CSPP1: variants seen among roughly 807,000 people sequenced by gnomAD.
CSPP1 encodes the protein centrosome and spindle pole associated protein 1.
Under a neutral mutation model 164.4 loss-of-function variants are expected in CSPP1, and 126 were observed. The ratio of observed to expected loss-of-function variants is 0.77; its 90% CI spans 0.66 to 0.89. CSPP1 has a LOEUF of 0.89. CSPP1 is among the 40% of genes least tolerant of loss of function. The probability of loss-of-function intolerance (pLI) is 0.00; values close to 1 mark genes in which losing one functional copy is unlikely to be tolerated. For missense variants in CSPP1, 1,395 were observed against 1,449.8 expected (o/e 0.96, Z 0.61); for synonymous variants, 472 against 476.7 (o/e 0.99, Z 0.13).
intron 12 of CSPP1, chr8:67,115,212 A>T (rs1431564164): frequency 6.6e-6 from 1 of 152,258 alleles, no homozygotes; most frequent in African/African-American, 2.4e-5. Flanking sequence ...TATAACAGAA[A>T]TGGCAATTAG....
At chr8:67,189,472 A>C (rs1202742113) in intron 28 of CSPP1, among the ~76,000 whole-genome samples, 1 of 152,218 alleles carries the variant, frequency 6.6e-6, no homozygotes, top group Non-Finnish European at 1.5e-5. Flanking sequence ...GCATGGAAGG[A>C]CCCAAAACTT....
chr8:67,164,525 A>G lies in CSPP1; in HGVS notation c.2828+17A>G. On this transcript the variant is annotated intron_variant, in intron 24 of 30. Transcript: ENST00000678616. ...TCCTATCAGGCAAGTTTAGAATTGC[A>G]GTTTTTGTGTTCGCTTGAGTTCTTT... 1 of 1,216,998 alleles carries G rather than the reference A, an allele frequency of 8.2e-7. No homozygotes were observed. Among genetic ancestry groups the G allele is most frequent in the East Asian group, 2.3e-5 (1 of 43,084 alleles). The allele number at this position is 1,216,998 out of a possible 1,614,324, so 75.4% of individuals were successfully genotyped here.
chr8:67,151,198 GCTTT>G, intron 18 of CSPP1, among the ~76,000 whole-genome samples: 1 of 152,220 alleles, frequency 6.6e-6, no homozygotes, highest in Non-Finnish European at 1.5e-5. Context: ...ATGAGAAAAT[GCTTT>G]CTTTGTTCTA....
At chr8:67,173,694 T>A (rs772829219) in intron 25 of CSPP1, 41 of 152,332 alleles carry the variant, frequency 2.7e-4, no homozygotes, top group Non-Finnish European at 4.9e-4. Context: ...TTATTTAATT[T>A]TCTCTATTGT....
At chr8:67,149,417 G>C (rs951822393) in intron 17 of CSPP1, among the ~76,000 whole-genome samples, 1 of 152,116 alleles carries the variant, frequency 6.6e-6, no homozygotes, top group African/African-American at 2.4e-5. Context: ...TGTGTTATTA[G>C]GAGACCGATG....
intron 15 of CSPP1, among the ~76,000 whole-genome samples, chr8:67,124,194 C>T (rs1028658496): frequency 2.6e-5 from 4 of 152,140 alleles, no homozygotes; most frequent in Admixed American, 6.5e-5. Context: ...CCACCGCACC[C>T]GGCCTATTAG....
chr8:67,071,368 C>G (rs1276411181), intron 1 of CSPP1, among the ~76,000 whole-genome samples: 1 of 149,890 alleles, frequency 6.7e-6, no homozygotes, highest in African/African-American at 2.5e-5. Flanking sequence ...TTTAATTATT[C>G]CCTCTGTTTT....
rs1389136437 is a variant in CSPP1, at chr8:67,103,153, A to T, written c.1022+18A>T. 2.8e-6 allele frequency: 4 copies of T among 1,436,092 alleles called. No individual in the cohort carries two copies. Among genetic ancestry groups the T allele is most frequent in the Non-Finnish European group, 2.9e-6 (3 of 1,021,218 alleles). The allele number at this position is 1,436,092 out of a possible 1,614,324, so 89.0% of individuals were successfully genotyped here. A position where few individuals can be genotyped will look rare whatever the true frequency, so the allele number is the denominator to read the frequency against. The stretch of plus-strand genomic sequence containing the variant: ...AATAAAAGGTACAGTATGTAATATA[A>T]ATTCTCTGCTTTAGTCATTACATTG... On this transcript the variant is annotated intron_variant, in intron 8 of 30. Coordinates refer to ENST00000678616, the MANE Select transcript of CSPP1 (RefSeq NM_001382391.1).
chr8:67,153,996 T>C (rs1180083043), intron 18 of CSPP1, 28 bp from the exon 19 acceptor site: 1 of 1,048,396 alleles, frequency 9.5e-7, no homozygotes, highest in Non-Finnish European at 1.5e-6. Context: ...TGGCTAATAG[T>C]ATGTTTTTGC....
chr8:67,140,838 C>T (rs904873675), intron 17 of CSPP1, among the ~76,000 whole-genome samples: 1 of 152,130 alleles, frequency 6.6e-6, no homozygotes, highest in African/African-American at 2.4e-5. Flanking sequence ...TCCTTTTCTT[C>T]TTGTCCAGGG....
chr8:67,153,987 G>A (rs1176615063), intron 18 of CSPP1, 37 bp from the exon 19 acceptor site: 1 of 896,160 alleles, frequency 1.1e-6, no homozygotes, highest in African/African-American at 1.7e-5. Context: ...TCTAAGCATT[G>A]GCTAATAGTA....
intron 24 of CSPP1, among the ~76,000 whole-genome samples, chr8:67,165,183 C>G (rs1414767705): frequency 1.3e-5 from 2 of 152,052 alleles, no homozygotes; most frequent in Admixed American, 6.5e-5. Context: ...ACTCAGGAGG[C>G]TGAGGCAGGA....
chr8:67,157,037 G>C (rs1359992345), intron 19 of CSPP1, among the ~76,000 whole-genome samples: 2 of 152,114 alleles, frequency 1.3e-5, no homozygotes, highest in African/African-American at 4.8e-5. Flanking sequence ...CTTTGATTTT[G>C]ATGGAAAAGT....
chr8:67,142,013 C>T (rs1367245115), intron 17 of CSPP1, among the ~76,000 whole-genome samples: 1 of 152,122 alleles, frequency 6.6e-6, no homozygotes, highest in African/African-American at 2.4e-5. Context: ...TAACACTGCA[C>T]CCTTATCTTA....
chr8:67,086,725 T>A (rs1810463433), intron 4 of CSPP1: 10 of 518,692 alleles, frequency 1.9e-5, no homozygotes, highest in South Asian at 1.4e-4. Flanking sequence ...TTTATGTTTG[T>A]TCCAAGTGTA....
chr8:67,159,793 A>G (rs1827407391), intron 21 of CSPP1, among the ~76,000 whole-genome samples: 2 of 150,752 alleles, frequency 1.3e-5, no homozygotes, highest in East Asian at 3.9e-4. Flanking sequence ...GAGTGCTGAG[A>G]TTACAGGAGT....
chr8:67,093,542 G>A lies in CSPP1; in HGVS notation c.385-1G>A. On this transcript the variant is annotated splice_acceptor_variant, in intron 5 of 30. Coordinates refer to ENST00000678616, the MANE Select transcript of CSPP1 (RefSeq NM_001382391.1). LOFTEE classifies it high-confidence loss of function. ...CATTGCCTTTTGATTTTTATTTTAA[G>A]GAAAGGTTGAAACTTGAACGTAACA... The A allele has an allele frequency of 6.3e-7, 1 of 1,583,168 alleles. No homozygotes were observed. The highest frequency in any genetic ancestry group is 8.6e-7 in the Non-Finnish European group (1 of 1,159,202).
At chr8:67,118,946 T>G (rs779842447) in intron 15 of CSPP1, 125 bp downstream of exon 15, 11 of 657,486 alleles carry the variant, frequency 1.7e-5, no homozygotes, top group Non-Finnish European at 2.5e-5. Context: ...ATTTTCATAA[T>G]GTGCAACCAT....
chr8:67,078,963 C>G lies in CSPP1; in HGVS notation c.199+2382C>G, dbSNP rs139226973. On this transcript the variant is annotated intron_variant, in intron 3 of 30. Transcript: ENST00000678616. ...CTCCAGCCTGGGTGACAGAGAGAGA[C>G]TCCATCTCAATAAAAAAAAAGAGTA... is the stretch of plus-strand genomic sequence containing the variant. 7.7e-4 allele frequency among the ~76,000 whole-genome samples: 117 copies of G among 152,082 alleles called. 1 individual carries two copies. Among genetic ancestry groups the G allele is most frequent in the African/African-American group, 2.7e-3 (110 of 41,508 alleles).
Sources: allele counts gnomAD v4.1 joint callset (sites outside exome capture counted in the v4.1 genomes callset), GRCh38; gene constraint gnomAD v4.1.1; transcripts MANE v1.5; gene names NCBI Gene and HGNC (gene_info 2026-07-23, HGNC 2026-07-21).